Variants in PTPRD observed in about 807,000 individuals in gnomAD.
PTPRD encodes protein tyrosine phosphatase receptor type D, also known as receptor-type tyrosine-protein phosphatase delta.
A neutral mutation model predicts 214.5 loss-of-function variants in PTPRD; 34 were observed. The observed-to-expected ratio is 0.16, with a 90% CI of 0.12 to 0.21. PTPRD has a LOEUF of 0.21. Among genes scored for constraint, PTPRD ranks in the 10% least tolerant of loss-of-function variants. The probability of loss-of-function intolerance (pLI) is 1.00; values close to 1 mark genes in which losing one functional copy is unlikely to be tolerated. For synonymous variants in PTPRD, 1,128 were observed against 845.7 expected (o/e 1.33, Z -5.79); for missense variants, 2,545 against 2,398.7 (o/e 1.06, Z -1.27).
chr9:9,320,482 A>G (rs1175957025), intron 9 of PTPRD, among the ~76,000 whole-genome samples: 2 of 152,290 alleles, frequency 1.3e-5, no homozygotes, highest in East Asian at 1.9e-4. Context: ...AGAAAACTAA[A>G]TATTGTTATA....
chr9:8,321,528 A>ATATATATATAT (rs1563892616), intron 44 of PTPRD, among the ~76,000 whole-genome samples: 7 of 79,154 alleles, frequency 8.8e-5, no homozygotes, highest in Non-Finnish European at 1.8e-4. Context: ...TATATATATA[A>ATATATATATAT]AAGGTATATG....
chr9:8,746,274 T>C (rs896277053), intron 11 of PTPRD, among the ~76,000 whole-genome samples: 2 of 152,086 alleles, frequency 1.3e-5, no homozygotes, highest in Non-Finnish European at 2.9e-5. Context: ...CATGGCCATA[T>C]TGAAAGAAGA....
chr9:10,431,755 A>T (rs1756032146), intron 2 of PTPRD, among the ~76,000 whole-genome samples: 1 of 152,154 alleles, frequency 6.6e-6, no homozygotes, highest in African/African-American at 2.4e-5. Context: ...CACACCAGTT[A>T]GAATGGCAAT....
At chr9:9,328,298 C>T (rs1272125692) in intron 9 of PTPRD, among the ~76,000 whole-genome samples, 1 of 152,080 alleles carries the variant, frequency 6.6e-6, no homozygotes, top group Non-Finnish European at 1.5e-5. Context: ...ATACATACTA[C>T]ATTCATTCTT....
At chr9:8,999,616 A>T (rs765408491) in intron 11 of PTPRD, among the ~76,000 whole-genome samples, 1 of 151,908 alleles carries the variant, frequency 6.6e-6, no homozygotes, top group Non-Finnish European at 1.5e-5. Context: ...CTGAACCTTT[A>T]ATATCTCCGA....
At chr9:9,156,129 T>A (rs2099880982) in intron 10 of PTPRD, among the ~76,000 whole-genome samples, 1 of 152,200 alleles carries the variant, frequency 6.6e-6, no homozygotes, top group South Asian at 2.1e-4. Context: ...ACAGGCACTA[T>A]GAGAATCAAA....
chr9:10,573,665 A>G (rs895647380), intron 2 of PTPRD, among the ~76,000 whole-genome samples: 3 of 152,172 alleles, frequency 2.0e-5, no homozygotes, highest in Admixed American at 6.5e-5. Flanking sequence ...GCACGGGGCT[A>G]CAGCGCACCT....
intron 8 of PTPRD, among the ~76,000 whole-genome samples, chr9:9,461,942 C>T (rs561868126): frequency 6.6e-6 from 1 of 152,240 alleles, no homozygotes; most frequent in South Asian, 2.1e-4. Flanking sequence ...GGGACTTCTA[C>T]CTTATTCCTC....
At chr9:9,242,779 G>T (rs1225163091) in intron 9 of PTPRD, among the ~76,000 whole-genome samples, 2 of 151,994 alleles carry the variant, frequency 1.3e-5, no homozygotes, top group Non-Finnish European at 2.9e-5. Flanking sequence ...CTTTCCGATG[G>T]TTTCAAACTC....
chr9:9,681,642 C>T (rs1564513459), intron 7 of PTPRD, among the ~76,000 whole-genome samples: 1 of 151,728 alleles, frequency 6.6e-6, no homozygotes, highest in African/African-American at 2.4e-5. Context: ...AGATTGCGTC[C>T]CTTCTCCTTA....
chr9:9,470,537 G>C (rs1045059415), intron 8 of PTPRD, among the ~76,000 whole-genome samples: 1 of 152,134 alleles, frequency 6.6e-6, no homozygotes, highest in Non-Finnish European at 1.5e-5. Flanking sequence ...TGGAATAGAA[G>C]GGTTTTCTAA....
chr9:9,109,112 T>A (rs541921689), intron 10 of PTPRD, among the ~76,000 whole-genome samples: 1 of 152,092 alleles, frequency 6.6e-6, no homozygotes, highest in African/African-American at 2.4e-5. Flanking sequence ...CAATAAACCA[T>A]GAGGGAAGAA....
chr9:10,181,836 G>C (rs556669194), intron 3 of PTPRD, among the ~76,000 whole-genome samples: 4 of 147,906 alleles, frequency 2.7e-5, no homozygotes, highest in Non-Finnish European at 4.5e-5. Context: ...ATACTAAAAT[G>C]GGAAAGAAAA....
intron 2 of PTPRD, among the ~76,000 whole-genome samples, chr9:10,344,243 A>C (rs756311556): frequency 1.3e-5 from 2 of 152,016 alleles, no homozygotes; most frequent in Non-Finnish European, 2.9e-5. Context: ...ATCTTTCTAC[A>C]TATGGCTAGC....
chr9:8,785,325 T>C (rs1197197407), intron 11 of PTPRD, among the ~76,000 whole-genome samples: 2 of 152,208 alleles, frequency 1.3e-5, no homozygotes, highest in African/African-American at 4.8e-5. Context: ...CAAAAGGAAT[T>C]ACCCATGGTT....
chr9:8,833,577 G>C (rs1463574116), intron 11 of PTPRD, among the ~76,000 whole-genome samples: 1 of 147,238 alleles, frequency 6.8e-6, no homozygotes, highest in Non-Finnish European at 1.5e-5. Context: ...ATCTATGTAT[G>C]ACCTGGTCCA....
chr9:9,247,214 T>C (rs2131362075), intron 9 of PTPRD, among the ~76,000 whole-genome samples: 1 of 152,036 alleles, frequency 6.6e-6, no homozygotes. Flanking sequence ...TCCCTATACC[T>C]GGGAAGAAGG....
chr9:8,475,625 G>T (rs766612086), intron 30 of PTPRD, among the ~76,000 whole-genome samples: 1 of 152,124 alleles, frequency 6.6e-6, no homozygotes, highest in Non-Finnish European at 1.5e-5. Context: ...TAAAATAAAA[G>T]AAATAATATG....
chr9:9,080,686 C>T (rs2099757702), intron 10 of PTPRD, among the ~76,000 whole-genome samples: 2 of 152,006 alleles, frequency 1.3e-5, no homozygotes, highest in African/African-American at 2.4e-5. Flanking sequence ...GGATTCTAAA[C>T]TGTGTACTAC....
Sources: gnomAD v4.1 joint callset for allele counts (sites outside exome capture counted in the v4.1 genomes callset) on GRCh38, gnomAD v4.1.1 for gene constraint, MANE v1.5 for transcripts, NCBI Gene and HGNC (gene_info 2026-07-23, HGNC 2026-07-21) for gene names.